Variants in THSD7B observed in about 807,000 individuals in gnomAD.
THSD7B encodes thrombospondin type 1 domain containing 7B, also known as thrombospondin type-1 domain-containing protein 7B.
Under a neutral mutation model 213.6 loss-of-function variants are expected in THSD7B, and 138 were observed. The observed-to-expected ratio is 0.65, with a 90% CI of 0.56 to 0.74. THSD7B has a LOEUF of 0.74. THSD7B is among the 30% of genes least tolerant of loss of function. The probability of loss-of-function intolerance (pLI) is 0.00; values close to 1 mark genes in which losing one functional copy is unlikely to be tolerated. For synonymous variants in THSD7B, 742 were observed against 687.0 expected (o/e 1.08, Z -1.25); for missense variants, 1,931 against 1,991.5 (o/e 0.97, Z 0.58).
intron 2 of THSD7B, among the ~76,000 whole-genome samples, chr2:136,894,704 TGTA>T (rs907178251): frequency 1.3e-5 from 2 of 152,212 alleles, no homozygotes; most frequent in Non-Finnish European, 1.5e-5. Flanking sequence ...TAGAACGTAA[TGTA>T]GTTTGGATAC....
intron 20 of THSD7B, among the ~76,000 whole-genome samples, chr2:137,622,246 T>C (rs139038571): frequency 1.2e-4 from 19 of 152,236 alleles, no homozygotes; most frequent in African/African-American, 4.1e-4. Flanking sequence ...AATCATTCCA[T>C]CCAATAATCC....
At chr2:137,036,865 T>G (rs1025249838) in intron 2 of THSD7B, among the ~76,000 whole-genome samples, 1 of 152,212 alleles carries the variant, frequency 6.6e-6, no homozygotes, top group Admixed American at 6.5e-5. Context: ...TTATGTCTCA[T>G]TTTATTGAGC....
At chr2:137,560,531 G>A (rs1456925124) in intron 15 of THSD7B, among the ~76,000 whole-genome samples, 1 of 152,024 alleles carries the variant, frequency 6.6e-6, no homozygotes, top group Admixed American at 6.6e-5. Flanking sequence ...ATGGACACAG[G>A]AGGGGGAACA....
At chr2:137,190,009 T>C (rs1160911034) in intron 7 of THSD7B, among the ~76,000 whole-genome samples, 1 of 152,146 alleles carries the variant, frequency 6.6e-6, no homozygotes, top group Non-Finnish European at 1.5e-5. Flanking sequence ...TTAAACATGT[T>C]CAGAGACTTA....
chr2:137,161,995 T>C (rs1050769046), intron 6 of THSD7B, among the ~76,000 whole-genome samples: 1 of 152,216 alleles, frequency 6.6e-6, no homozygotes, highest in Non-Finnish European at 1.5e-5. Context: ...CTTCATCTAC[T>C]TTCAAAGCTG....
chr2:137,089,932 G>T (rs1034262066), intron 3 of THSD7B, among the ~76,000 whole-genome samples: 1 of 151,778 alleles, frequency 6.6e-6, no homozygotes, highest in Non-Finnish European at 1.5e-5. Flanking sequence ...CCTTAAACCC[G>T]GGAGGCAGAG....
intron 12 of THSD7B, among the ~76,000 whole-genome samples, chr2:137,338,180 C>A (rs1456234893): frequency 3.3e-5 from 5 of 151,976 alleles, no homozygotes; most frequent in African/African-American, 1.2e-4. Flanking sequence ...TTATTCAGGT[C>A]TTTTTTTCTC....
intron 15 of THSD7B, among the ~76,000 whole-genome samples, chr2:137,537,451 A>G (rs942672043): frequency 3.3e-5 from 5 of 151,730 alleles, no homozygotes; most frequent in Admixed American, 3.3e-4. Flanking sequence ...AAATAGTGAT[A>G]GTTAATCTGG....
At chr2:137,472,306 G>T (rs193284919) in intron 15 of THSD7B, among the ~76,000 whole-genome samples, 2 of 152,226 alleles carry the variant, frequency 1.3e-5, no homozygotes, top group Admixed American at 6.5e-5. Context: ...TCTGGTTTCA[G>T]GATCCTATAC....
At chr2:137,598,171 ATT>A (rs1682001060) in intron 17 of THSD7B, among the ~76,000 whole-genome samples, 1 of 152,102 alleles carries the variant, frequency 6.6e-6, no homozygotes, top group African/African-American at 2.4e-5. Context: ...CCAAGACATT[ATT>A]TTTGTCCTGA....
chr2:137,180,595 G>C (rs2053170), intron 7 of THSD7B, among the ~76,000 whole-genome samples: 144,626 of 152,180 alleles, frequency 0.95, 68,822 homozygotes, highest in East Asian at 1. Flanking sequence ...CACACAATAG[G>C]CCAATTGGGA....
At chr2:137,310,596 T>G (rs1683875492) in intron 12 of THSD7B, among the ~76,000 whole-genome samples, 1 of 151,786 alleles carries the variant, frequency 6.6e-6, no homozygotes, top group Non-Finnish European at 1.5e-5. Context: ...ATGTCCTGAA[T>G]GGTAATGCCT....
At chr2:137,520,215 C>T (rs1460097655) in intron 15 of THSD7B, among the ~76,000 whole-genome samples, 1 of 151,724 alleles carries the variant, frequency 6.6e-6, no homozygotes, top group Non-Finnish European at 1.5e-5. Context: ...TTCCCTTCTA[C>T]AGAGGAAAAA....
intron 17 of THSD7B, among the ~76,000 whole-genome samples, chr2:137,609,854 C>T (rs979412598): frequency 1.1e-4 from 16 of 151,992 alleles, no homozygotes; most frequent in Non-Finnish European, 1.9e-4. Flanking sequence ...TGACTTTTAC[C>T]AGGATAGGAG....
intron 17 of THSD7B, among the ~76,000 whole-genome samples, chr2:137,604,976 ATATAAT>A: frequency 6.6e-6 from 1 of 152,314 alleles, no homozygotes; most frequent in East Asian, 1.9e-4. Flanking sequence ...AAATAATAGA[ATATAAT>A]AATAATAATT....
At chr2:137,292,725 T>A (rs548080467) in intron 12 of THSD7B, among the ~76,000 whole-genome samples, 1 of 152,262 alleles carries the variant, frequency 6.6e-6, no homozygotes. Context: ...CCATATTTGT[T>A]GGGCTTAAAA....
At chr2:137,269,460 T>C (rs981792389) in intron 10 of THSD7B, among the ~76,000 whole-genome samples, 2 of 152,202 alleles carry the variant, frequency 1.3e-5, no homozygotes, top group Non-Finnish European at 2.9e-5. Flanking sequence ...GTATATGTAG[T>C]CTCCCTTGGG....
chr2:137,560,677 G>A (rs182034057), intron 15 of THSD7B, among the ~76,000 whole-genome samples: 9 of 151,950 alleles, frequency 5.9e-5, no homozygotes, highest in Admixed American at 3.3e-4. Flanking sequence ...AAACCTGCAC[G>A]TTGTGCACAT....
intron 12 of THSD7B, 42 bp downstream of exon 12, chr2:137,276,068 G>A: frequency 1.4e-6 from 2 of 1,441,846 alleles, no homozygotes; most frequent in South Asian, 1.2e-5. Flanking sequence ...TAATACGTAA[G>A]TTAACATTAT....
Sources: allele counts gnomAD v4.1 joint callset (sites outside exome capture counted in the v4.1 genomes callset), GRCh38; gene constraint gnomAD v4.1.1; transcripts MANE v1.5; gene names NCBI Gene and HGNC (gene_info 2026-07-23, HGNC 2026-07-21).